The following GALNT17 variants were observed in gnomAD, a reference collection of about 807,000 sequenced individuals.
The protein encoded by GALNT17 is polypeptide N-acetylgalactosaminyltransferase 17.
GALNT17 carries 29 observed loss-of-function variants against 63.7 expected under a neutral mutation model. The observed-to-expected ratio is 0.46, with a 90% confidence interval of 0.34 to 0.62. GALNT17 has a LOEUF of 0.62. Ranked by LOEUF, GALNT17 falls within the 20% of genes least tolerant of loss-of-function variation. The probability of loss-of-function intolerance (pLI) is 0.01; values close to 1 mark genes in which losing one functional copy is unlikely to be tolerated. For missense variants in GALNT17, 603 were observed against 799.6 expected (o/e 0.75, Z 2.97); for synonymous variants, 305 against 318.3 (o/e 0.96, Z 0.45).
intron 6 of GALNT17, among the ~76,000 whole-genome samples, chr7:71,617,579 C>T (rs1790231614): frequency 6.6e-6 from 1 of 151,864 alleles, no homozygotes; most frequent in African/African-American, 2.4e-5. Flanking sequence ...CTTGGCCTCC[C>T]AAAGTGCCGG....
intron 5 of GALNT17, among the ~76,000 whole-genome samples, chr7:71,425,296 C>T (rs1207373244): frequency 2.0e-5 from 3 of 151,904 alleles, no homozygotes; most frequent in African/African-American, 7.3e-5. Flanking sequence ...GATCTCGGCT[C>T]GCTGCAACCT....
Position 71,373,124 on chromosome 7 carries a change from T to A in GALNT17, c.423-15111T>A, listed in dbSNP as rs576233388. 4.4e-4 allele frequency among the ~76,000 whole-genome samples: 67 copies of A among 152,316 alleles called. 1 individual carries two copies. In the South Asian group the frequency reaches 0.014, roughly 32 times the overall value. On this transcript the variant is annotated intron_variant, in intron 2 of 10. Transcript: ENST00000333538. ...AAAAACTCAGTGAAAGGTCAGCGCT[T>A]GGAGCCCATCTTGTCTTGAGCTGGC...
chr7:71,642,211 G>A (rs1790614184), intron 6 of GALNT17, among the ~76,000 whole-genome samples: 2 of 152,138 alleles, frequency 1.3e-5, no homozygotes, highest in South Asian at 4.1e-4. Context: ...TTCCCTTACA[G>A]CAGGCCAGAA....
intron 1 of GALNT17, among the ~76,000 whole-genome samples, chr7:71,231,054 G>C (rs1789779297): frequency 6.6e-6 from 1 of 152,132 alleles, no homozygotes; most frequent in South Asian, 2.1e-4. Context: ...TATCTCTGGG[G>C]AGGGAAGGGA....
intron 1 of GALNT17, among the ~76,000 whole-genome samples, chr7:71,302,675 T>G (rs769098194): frequency 3.9e-5 from 6 of 152,150 alleles, no homozygotes; most frequent in Non-Finnish European, 8.8e-5. Flanking sequence ...AAGACTACTT[T>G]ACTGGGTCTT....
intron 3 of GALNT17, among the ~76,000 whole-genome samples, chr7:71,415,520 A>C (rs923471184): frequency 5.9e-5 from 9 of 152,144 alleles, no homozygotes; most frequent in African/African-American, 1.9e-4. Context: ...CTGTGTGCAG[A>C]TGGAAAAGCC....
At chr7:71,646,179 A>G (rs1790672902) in intron 6 of GALNT17, among the ~76,000 whole-genome samples, 1 of 152,176 alleles carries the variant, frequency 6.6e-6, no homozygotes, top group Non-Finnish European at 1.5e-5. Context: ...TTTAACACCC[A>G]TTTCAGAAAC....
At chr7:71,136,388 A>C (rs1787784316) in intron 1 of GALNT17, among the ~76,000 whole-genome samples, 1 of 152,210 alleles carries the variant, frequency 6.6e-6, no homozygotes, top group African/African-American at 2.4e-5. Context: ...AGTGGGAGCC[A>C]GGCATTTTAA....
At chr7:71,452,527 CAGAG>C (rs1229992812) in intron 5 of GALNT17, among the ~76,000 whole-genome samples, 1 of 152,026 alleles carries the variant, frequency 6.6e-6, no homozygotes, top group South Asian at 2.1e-4. Context: ...GCCTGGGTGA[CAGAG>C]AGAGACTCCG....
At chr7:71,355,148 T>C (rs1403615724) in intron 2 of GALNT17, among the ~76,000 whole-genome samples, 2 of 152,212 alleles carry the variant, frequency 1.3e-5, no homozygotes, top group African/African-American at 4.8e-5. Context: ...AGAATTTTGA[T>C]TTATTCAAGA....
chr7:71,264,555 A>G (rs1323629740), intron 1 of GALNT17, among the ~76,000 whole-genome samples: 2 of 152,180 alleles, frequency 1.3e-5, no homozygotes, highest in Non-Finnish European at 2.9e-5. Flanking sequence ...TATTCATAAT[A>G]GCAAAGGTAT....
At chr7:71,254,120 A>G (rs1790248728) in intron 1 of GALNT17, among the ~76,000 whole-genome samples, 1 of 152,238 alleles carries the variant, frequency 6.6e-6, no homozygotes, top group African/African-American at 2.4e-5. Context: ...AAAGCTGAGG[A>G]GAGCTTCCAG....
At chr7:71,341,739 C>T (rs1263187981) in intron 2 of GALNT17, among the ~76,000 whole-genome samples, 1 of 152,192 alleles carries the variant, frequency 6.6e-6, no homozygotes, top group African/African-American at 2.4e-5. Flanking sequence ...AAAATGTAGG[C>T]TCTTAACAAT....
intron 6 of GALNT17, among the ~76,000 whole-genome samples, chr7:71,592,316 C>A (rs933050620): frequency 1.6e-4 from 25 of 151,920 alleles, no homozygotes; most frequent in African/African-American, 6.0e-4. Context: ...CTTTCCTATG[C>A]ATTTTGCAGC....
chr7:71,554,453 C>G (rs1357943134), intron 5 of GALNT17, among the ~76,000 whole-genome samples: 2 of 152,154 alleles, frequency 1.3e-5, no homozygotes, highest in African/African-American at 4.8e-5. Context: ...TTATAACTTA[C>G]CCAGTCTTGG....
At chr7:71,304,830 G>A (rs920420549) in intron 1 of GALNT17, among the ~76,000 whole-genome samples, 17 of 151,408 alleles carry the variant, frequency 1.1e-4, no homozygotes, top group Non-Finnish European at 2.9e-5. Context: ...GTTCACCTCC[G>A]CCTCTTGGGT....
At chr7:71,431,074 A>G (rs555057808) in intron 5 of GALNT17, among the ~76,000 whole-genome samples, 46 of 152,058 alleles carry the variant, frequency 3.0e-4, no homozygotes, top group Non-Finnish European at 6.0e-4. Flanking sequence ...TTGCCATTGG[A>G]GTGGATGGAA....
chr7:71,269,598 C>G (rs886526086), intron 1 of GALNT17, among the ~76,000 whole-genome samples: 2 of 152,130 alleles, frequency 1.3e-5, no homozygotes, highest in African/African-American at 4.8e-5. Context: ...GCTCATCTGT[C>G]TGCAGAGGTC....
chr7:71,458,787 T>C (rs929894835), intron 5 of GALNT17, among the ~76,000 whole-genome samples: 3 of 152,138 alleles, frequency 2.0e-5, no homozygotes, highest in African/African-American at 7.2e-5. Context: ...CTCTCCATGT[T>C]CAGACGCTCC....
Sources: gnomAD v4.1 joint callset for allele counts (sites outside exome capture counted in the v4.1 genomes callset) on GRCh38, gnomAD v4.1.1 for gene constraint, MANE v1.5 for transcripts, NCBI Gene and HGNC (gene_info 2026-07-23, HGNC 2026-07-21) for gene names.